Variants in FRAS1 observed in about 807,000 individuals in gnomAD.
FRAS1 encodes the protein Fraser extracellular matrix complex subunit 1, also known as extracellular matrix organizing protein FRAS1.
In FRAS1, 290 loss-of-function variants were observed where a neutral mutation model predicts 435.2. The ratio of observed to expected loss-of-function variants is 0.67; its 90% CI spans 0.61 to 0.73. The LOEUF is 0.73. Ranked by LOEUF, FRAS1 falls within the 30% of genes least tolerant of loss-of-function variation. The pLI is 0.00. For synonymous variants in FRAS1, 1,800 were observed against 1,851.0 expected (o/e 0.97, Z 0.71); for missense variants, 4,860 against 5,001.5 (o/e 0.97, Z 0.85).
rs1265583788 is a variant in FRAS1 at position 78,075,764 on chromosome 4, A to C, written c.108+9748A>C. On this transcript the variant is annotated intron_variant, in intron 2 of 73. Coordinates refer to ENST00000512123, the MANE Select transcript of FRAS1 (RefSeq NM_025074.7). ...GCAATTGAGAATACTCTTATTCCAGAGGAAATCGTTTTTGATCTTGGCCTT... is the reference window on the plus strand; with the variant it reads ...GCAATTGAGAATACTCTTATTCCAGCGGAAATCGTTTTTGATCTTGGCCTT... Among the ~76,000 whole-genome samples, 4 of 152,342 alleles carry C rather than the reference A, an allele frequency of 2.6e-5. No homozygotes were observed. The South Asian group carries it at 8.3e-4, about 32-fold the overall frequency.
At chr4:78,494,363 GT>G (rs1385336148) in intron 59 of FRAS1, among the ~76,000 whole-genome samples, 1 of 152,152 alleles carries the variant, frequency 6.6e-6, no homozygotes, top group Non-Finnish European at 1.5e-5. Context: ...TTGGCTCACA[GT>G]TCTGCAGGCT....
chr4:78,198,042 T>G (rs1418557837), intron 2 of FRAS1, among the ~76,000 whole-genome samples: 1 of 152,198 alleles, frequency 6.6e-6, no homozygotes, highest in African/African-American at 2.4e-5. Flanking sequence ...CCACCTCTGA[T>G]TTCAGCTCTT....
chr4:78,123,452 C>T lies in FRAS1; in HGVS notation c.108+57436C>T, dbSNP rs1719147424. Reference sequence around the variant, plus strand: ...TTCTTCTTGCCCAGGATTGTCATGGCTATGCAGGCTCTTTTTTGGTTCCAT... The same window carrying T: ...TTCTTCTTGCCCAGGATTGTCATGGTTATGCAGGCTCTTTTTTGGTTCCAT... On this transcript the variant is annotated intron_variant, in intron 2 of 73. Coordinates refer to ENST00000512123, the MANE Select transcript of FRAS1 (RefSeq NM_025074.7). Among the ~76,000 whole-genome samples the T allele has an allele frequency of 3.9e-5, 6 of 152,158 alleles. No homozygotes were observed. The South Asian group carries it at 1.2e-3, about 32-fold the overall frequency.
intron 2 of FRAS1, chr4:78,180,760 TGACA>T: frequency 1.1e-6 from 1 of 911,238 alleles, no homozygotes. Context: ...ATGGTATGAA[TGACA>T]GTCTTTTTTT....
chr4:78,489,183 A>G (rs1578354363), intron 59 of FRAS1, 103 bp downstream of exon 59: 2 of 1,067,438 alleles, frequency 1.9e-6, no homozygotes, highest in Non-Finnish European at 2.7e-6. Flanking sequence ...AGAATTTTGT[A>G]TACTACAGGT....
intron 4 of FRAS1, among the ~76,000 whole-genome samples, chr4:78,249,322 C>A (rs112545075): frequency 0.012 from 1,170 of 96,664 alleles, 12 homozygotes; most frequent in African/African-American, 0.039. Flanking sequence ...AGCAGTGGAG[C>A]CTTTTTTTTT....
intron 2 of FRAS1, among the ~76,000 whole-genome samples, chr4:78,076,692 A>C (rs914016607): frequency 6.6e-6 from 1 of 152,188 alleles, no homozygotes; most frequent in African/African-American, 2.4e-5. Flanking sequence ...CTTCTTGAGA[A>C]ACATGGACTG....
chr4:78,508,586 G>A (rs892710830), intron 62 of FRAS1, 145 bp from the exon 63 acceptor site: 17 of 793,842 alleles, frequency 2.1e-5, no homozygotes, highest in Non-Finnish European at 3.2e-5. Context: ...AGGATGCCTG[G>A]CAAAGAATTA....
intron 14 of FRAS1, among the ~76,000 whole-genome samples, chr4:78,307,510 C>G (rs1258095072): frequency 1.3e-5 from 2 of 152,230 alleles, no homozygotes; most frequent in Non-Finnish European, 2.9e-5. Context: ...CAGCGAGACT[C>G]CGTGGGCGTA....
At chr4:78,141,609 C>A (rs1214767917) in intron 2 of FRAS1, among the ~76,000 whole-genome samples, 1 of 152,108 alleles carries the variant, frequency 6.6e-6, no homozygotes, top group Admixed American at 6.6e-5. Context: ...CTGAGCATAG[C>A]TTTTAGTACA....
chr4:78,154,652 T>TA (rs1249219449), intron 2 of FRAS1, among the ~76,000 whole-genome samples: 1 of 152,216 alleles, frequency 6.6e-6, no homozygotes, highest in African/African-American at 2.4e-5. Flanking sequence ...TGTAACCATT[T>TA]AAAATCATTC....
intron 27 of FRAS1, among the ~76,000 whole-genome samples, chr4:78,383,661 T>C (rs1219732512): frequency 4.6e-5 from 7 of 152,174 alleles, no homozygotes; most frequent in Non-Finnish European, 8.8e-5. Context: ...AGAGCATTTG[T>C]TGGGAAGAGG....
intron 29 of FRAS1, among the ~76,000 whole-genome samples, chr4:78,389,388 C>A (rs1732357189): frequency 6.6e-6 from 1 of 152,188 alleles, no homozygotes; most frequent in Non-Finnish European, 1.5e-5. Flanking sequence ...TGCGATTGAT[C>A]CGATTGAGCC....
rs1319892508 is a variant in FRAS1 at position 78,387,672 on chromosome 4, A to G, written c.3946A>G (p.Ile1316Val). Residue 1316 changes from isoleucine (I) to valine (V), a missense_variant, in exon 29 of 74, where the codon ATA (isoleucine) becomes GTA (valine). By Grantham distance (29) the Ile-to-Val change is conservative (BLOSUM62 3). Transcript: ENST00000512123. The part of the protein sequence containing the change: ...QANDGHSFHN[I>V]LFQVKTVPQN... Reference sequence around the variant, plus strand: ...CAATGATGGACACTCCTTCCATAATATACTGTTCCAAGTGAAGACCGTGCC... The same window carrying G: ...CAATGATGGACACTCCTTCCATAATGTACTGTTCCAAGTGAAGACCGTGCC... 3.2e-6 allele frequency: 5 copies of G among 1,562,238 alleles called. No individual in the cohort carries two copies. The highest frequency in any genetic ancestry group is 1.4e-5 in the African/African-American group (1 of 73,978).
chr4:78,337,990 T>A lies in FRAS1; in HGVS notation c.2422+173T>A, dbSNP rs115723541. ...TCTCCTTGGGCATTTAGTAAATACT[T>A]GTGGATTTAAATAGAACTTCTAATA... On this transcript the variant is annotated intron_variant, in intron 20 of 73. Coordinates refer to ENST00000512123, the MANE Select transcript of FRAS1 (RefSeq NM_025074.7). 507 of 610,650 alleles carry A rather than the reference T, an allele frequency of 8.3e-4. 3 individuals are homozygous for A. Among genetic ancestry groups the A allele is most frequent in the African/African-American group, 7.6e-3 (413 of 54,088 alleles). The allele number at this position is 610,650 out of a possible 1,614,324, so 37.8% of individuals were successfully genotyped here.
chr4:78,154,057 A>C (rs1414827475), intron 2 of FRAS1, among the ~76,000 whole-genome samples: 1 of 151,876 alleles, frequency 6.6e-6, no homozygotes. Flanking sequence ...TGGATTGCAG[A>C]TTATTCGGTA....
intron 35 of FRAS1, among the ~76,000 whole-genome samples, chr4:78,424,736 G>T (rs1184024109): frequency 2.6e-5 from 4 of 151,628 alleles, no homozygotes; most frequent in African/African-American, 7.3e-5. Context: ...AAGCCCAGGG[G>T]TTCAAGACCA....
intron 51 of FRAS1, among the ~76,000 whole-genome samples, chr4:78,471,373 AAAAC>A (rs1240570858): frequency 3.9e-5 from 6 of 152,292 alleles, no homozygotes; most frequent in East Asian, 1.9e-4. Flanking sequence ...GGTTTTAAAA[AAAAC>A]AAACAAACAT....
rs556784424 is a variant in FRAS1, at chr4:78,089,815, A to G, written c.108+23799A>G. Reference sequence around the variant, plus strand: ...TGCAAGTTTTTTGTTACATAGAGAAATCGTGTCATGGGAGTTTGTTGTACA... The same window carrying G: ...TGCAAGTTTTTTGTTACATAGAGAAGTCGTGTCATGGGAGTTTGTTGTACA... On this transcript the variant is annotated intron_variant, in intron 2 of 73. Coordinates refer to ENST00000512123, the MANE Select transcript of FRAS1 (RefSeq NM_025074.7). 1.8e-4 allele frequency among the ~76,000 whole-genome samples: 28 copies of G among 152,208 alleles called. 1 individual carries two copies. Among genetic ancestry groups the G allele is most frequent in the Admixed American group, 1.8e-3 (28 of 15,274 alleles).
Sources: gnomAD v4.1 joint callset for allele counts (sites outside exome capture counted in the v4.1 genomes callset) on GRCh38, gnomAD v4.1.1 for gene constraint, MANE v1.5 for transcripts, NCBI Gene and HGNC (gene_info 2026-07-23, HGNC 2026-07-21) for gene names.